COL5A3: variants seen among roughly 807,000 people sequenced by gnomAD.
COL5A3 encodes the protein collagen alpha-3(V) chain.
In COL5A3, 172 loss-of-function variants were observed where a neutral mutation model predicts 250.0. The observed-to-expected ratio is 0.69, with a 90% CI of 0.61 to 0.78. The LOEUF (loss-of-function observed/expected upper bound fraction) is 0.78. Ranked by LOEUF, COL5A3 falls within the 30% of genes least tolerant of loss-of-function variation. The pLI is 0.00. For missense variants in COL5A3, 2,340 were observed against 2,334.4 expected (o/e 1.00, Z -0.05); for synonymous variants, 937 against 900.4 (o/e 1.04, Z -0.73).
At position 9,993,738 on chromosome 19, in the gene COL5A3, G is replaced by A; in HGVS notation, c.1641+15C>T. On this transcript the variant is annotated intron_variant, in intron 17 of 66. Transcript: ENST00000264828. Reference sequence around the variant, plus strand: ...ACAGCTCCCACCAAGTCTTATCTCAGCCCCCATCACCTACCTTAGGTCCAG... The same window carrying A: ...ACAGCTCCCACCAAGTCTTATCTCAACCCCCATCACCTACCTTAGGTCCAG... 1.2e-6 allele frequency: 2 copies of A among 1,614,004 alleles called. No homozygotes were observed. Among genetic ancestry groups the A allele is most frequent in the Non-Finnish European group, 1.7e-6 (2 of 1,179,926 alleles).
chr19:9,978,811 G>A, intron 40 of COL5A3, 80 bp downstream of exon 40: 1 of 1,082,110 alleles, frequency 9.2e-7, no homozygotes. Context: ...CACCCCAAAT[G>A]CTATTCCCCA....
At chr19:10,001,056 C>G (rs1477978510) in intron 8 of COL5A3, among the ~76,000 whole-genome samples, 1 of 152,002 alleles carries the variant, frequency 6.6e-6, no homozygotes, top group Non-Finnish European at 1.5e-5. Flanking sequence ...ACAAGCTTAC[C>G]TATGTAACAA....
chr19:9,963,514 C>T (rs1320483139), intron 64 of COL5A3, among the ~76,000 whole-genome samples: 1 of 135,392 alleles, frequency 7.4e-6, no homozygotes, highest in African/African-American at 2.9e-5. Context: ...ACCTCAGCCT[C>T]CTAAGTAGCT....
Position 9,960,653 on chromosome 19 carries a change from G to C in COL5A3, c.5089C>G (p.Arg1697Gly), listed in dbSNP as rs568686157. 9 of 1,613,826 alleles carry C rather than the reference G, an allele frequency of 5.6e-6. No homozygotes were observed. The Admixed American group carries it at 1.0e-4, about 18-fold the overall frequency. Residue 1697 changes from arginine to glycine, a missense_variant and splice_region_variant, in exon 66 of 67, where the codon CGG (arginine) becomes GGG (glycine). This residue lies in a region of COL5A3 where 1,179 missense variants were observed against 1,162.6 expected (regional missense o/e 1.01). Transcript: ENST00000264828. ...TGGCCACTGCCCCACCCTCTTACCCGGCAGCCATCCTGGGGGACGCTGACA... is the reference window on the plus strand; with the variant it reads ...TGGCCACTGCCCCACCCTCTTACCCCGCAGCCATCCTGGGGGACGCTGACA... ...ATVSVPQDGC[R>G]LRKGQTKTLF...
At chr19:9,988,853 A>G (rs1234951539) in intron 27 of COL5A3, among the ~76,000 whole-genome samples, 3 of 134,746 alleles carry the variant, frequency 2.2e-5, no homozygotes, top group South Asian at 2.4e-4. Context: ...AAAAAAAAAA[A>G]AAAAAGAAAG....
chr19:9,973,079 G>T, intron 50 of COL5A3, 53 bp from the exon 51 acceptor site: 1 of 1,477,012 alleles, frequency 6.8e-7, no homozygotes, highest in Non-Finnish European at 9.2e-7. Context: ...CAGGGATCAA[G>T]GATTAGCATA....
chr19:9,980,760 C>T, intron 34 of COL5A3, 46 bp downstream of exon 34: 1 of 1,613,896 alleles, frequency 6.2e-7, no homozygotes. Flanking sequence ...GAGGGACTGG[C>T]TGAGCCTGGG....
chr19:9,975,845 C>A (rs1419068789), intron 45 of COL5A3, among the ~76,000 whole-genome samples: 1 of 147,918 alleles, frequency 6.8e-6, no homozygotes, highest in Non-Finnish European at 1.5e-5. Context: ...GAGACAAATT[C>A]TAGGGTTGAG....
rs3815746 is a variant in COL5A3, at chr19:9,968,417, C to G, written c.4282G>C (p.Val1428Leu). The G allele has an allele frequency of 7.5e-6, 12 of 1,591,540 alleles. No homozygotes were observed. Among genetic ancestry groups the G allele is most frequent in the Non-Finnish European group, 1.0e-5 (12 of 1,174,404 alleles). The change falls in exon 59 of 67, where the codon GTG becomes CTG. Residue 1428 changes from valine (V) to leucine (L), a missense_variant. Coordinates refer to ENST00000264828, the MANE Select transcript of COL5A3 (RefSeq NM_015719.4). This position sits in a 1 kb window ranked among gnomAD's most constrained non-coding sequence, Gnocchi z 4.1. ...GEKGDQGLPG[V>L]QGPPGPKGDP... ...CCCTTGGGACCAGGGGGTCCCTGCA[C>G]GCCTGGCAACCCCTGATCTCCTTTC...
At chr19:9,989,415 A>G (rs2087155335) in intron 25 of COL5A3, 49 bp from the exon 26 acceptor site, 4 of 1,613,688 alleles carry the variant, frequency 2.5e-6, no homozygotes, top group Non-Finnish European at 3.4e-6. Context: ...TTGCCATTCC[A>G]ATTCCCAAGG....
chr19:9,987,342 C>A (rs1236883385), intron 27 of COL5A3, among the ~76,000 whole-genome samples: 1 of 152,210 alleles, frequency 6.6e-6, no homozygotes, highest in Non-Finnish European at 1.5e-5. Flanking sequence ...AGCTTGGCTA[C>A]AAGTTGTTCT....
intron 1 of COL5A3, among the ~76,000 whole-genome samples, chr19:10,008,709 A>G (rs903433635): frequency 3.3e-5 from 5 of 152,186 alleles, no homozygotes; most frequent in African/African-American, 1.2e-4. Context: ...CAATGTGTGC[A>G]AATATTTGGC....
intron 37 of COL5A3, 26 bp from the exon 38 acceptor site, chr19:9,979,443 G>A: frequency 6.2e-6 from 10 of 1,613,544 alleles, no homozygotes; most frequent in South Asian, 1.1e-5. Context: ...AAATGTGGGG[G>A]CGGTGTTACA....
At chr19:10,003,535 AC>A in intron 6 of COL5A3, 29 bp downstream of exon 6, 1 of 1,611,464 alleles carries the variant, frequency 6.2e-7, no homozygotes, top group Non-Finnish European at 8.5e-7. Flanking sequence ...GGTGGTCAAA[AC>A]CGGAAGTGAG....
At position 9,960,830 on chromosome 19, in the gene COL5A3, G is replaced by C. The variant is rs1318786034; in HGVS notation, c.4912C>G (p.Leu1638Val). Residue 1638 changes from leucine (L) to valine (V), a missense_variant, in exon 66 of 67, where the codon CTG (leucine) becomes GTG (valine). Physicochemically the swap from Leu to Val is conservative, Grantham distance 32. Around this residue, in one of 3 missense-constraint regions of COL5A3, gnomAD observed 1,179 missense variants for 1,162.6 expected, o/e 1.01. Transcript: ENST00000264828. ...VNVVQLNFLK[L>V]LSATARQNFT... ...TTCTGGCGAGCTGTGGCACTCAGCAGTTTCAGGAAGTTCAGCTGCACGACA... is the reference window on the plus strand; with the variant it reads ...TTCTGGCGAGCTGTGGCACTCAGCACTTTCAGGAAGTTCAGCTGCACGACA... The C allele has an allele frequency of 1.9e-6, 3 of 1,612,660 alleles. No individual in the cohort carries two copies. In the African/African-American group the frequency reaches 4.0e-5, roughly 22 times the overall value.
intron 45 of COL5A3, among the ~76,000 whole-genome samples, 191 bp from the exon 46 acceptor site, chr19:9,974,599 CAAAGTGTT>C (rs1312400040): frequency 6.6e-6 from 1 of 152,094 alleles, no homozygotes; most frequent in East Asian, 1.9e-4. Flanking sequence ...AGGGTTGAGT[CAAAGTGTT>C]AAACAGTGAG....
At chr19:9,999,469 C>CT (rs530527039) in intron 8 of COL5A3, among the ~76,000 whole-genome samples, 7,073 of 120,220 alleles carry the variant, frequency 0.059, 558 homozygotes, top group East Asian at 0.24. Flanking sequence ...TTTCTTTTTT[C>CT]TTTTTTTTTT....
chr19:9,989,586 T>A, intron 24 of COL5A3, 64 bp from the exon 25 acceptor site: 1 of 1,431,914 alleles, frequency 7.0e-7, no homozygotes, highest in Non-Finnish European at 9.6e-7. Flanking sequence ...ACCACTAGGA[T>A]CTACGCAGAC....
At position 9,966,726 on chromosome 19, in the gene COL5A3, A is replaced by T; in HGVS notation, c.4479T>A (p.His1493Gln). ...PGPPGAPAELHGLRRRRRFVP... is the reference protein window; with the variant it reads ...PGPPGAPAELQGLRRRRRFVP... ...CGAAGCGCCGGCGCCTGCGCAGCCC[A>T]TGCAGCTCGGCAGGGGCACCCTGGG... The change falls in exon 63 of 67, where the codon CAT (histidine) becomes CAA (glutamine). Residue 1493 changes from histidine (H) to glutamine (Q), a missense_variant. Physicochemically the swap from His to Gln is conservative, Grantham distance 24 (BLOSUM62 0). Coordinates refer to ENST00000264828, the MANE Select transcript of COL5A3 (RefSeq NM_015719.4). 3.3e-6 allele frequency: 5 copies of T among 1,536,180 alleles called. No individual in the cohort carries two copies. Among genetic ancestry groups the T allele is most frequent in the Non-Finnish European group, 4.4e-6 (5 of 1,146,674 alleles).
Sources: gnomAD v4.1 joint callset for allele counts (sites outside exome capture counted in the v4.1 genomes callset) on GRCh38, gnomAD v4.1.1 for gene constraint, gnomAD v4.1.1 regional missense constraint, Gnocchi (gnomAD v3.1) non-coding constraint, MANE v1.5 for transcripts, NCBI Gene and HGNC (gene_info 2026-07-23, HGNC 2026-07-21) for gene names.